Variants in TDRD12 observed in about 807,000 individuals in gnomAD.
TDRD12 encodes the protein putative ATP-dependent RNA helicase TDRD12.
Under a neutral mutation model 133.5 loss-of-function variants are expected in TDRD12, and 158 were observed. The observed-to-expected ratio is 1.18, with a 90% CI of 1.04 to 1.35. The LOEUF is 1.35. Ranked by LOEUF, TDRD12 falls within the 40% of genes most tolerant of loss-of-function variation. TDRD12 has a pLI of 0.00. For synonymous variants in TDRD12, 460 were observed against 477.9 expected, an observed-to-expected ratio of 0.96 and a Z score of 0.49; for missense variants, 1,443 against 1,321.3, an observed-to-expected ratio of 1.09 and a Z score of -1.43.
intron 8 of TDRD12, among the ~76,000 whole-genome samples, chr19:32,762,427 G>GT (rs1408224406): frequency 2.0e-5 from 3 of 152,168 alleles, no homozygotes; most frequent in African/African-American, 7.2e-5. Flanking sequence ...ACCATTTGTT[G>GT]AAAAGAGAAG....
chr19:32,726,295 T>C (rs1599822364), intron 1 of TDRD12, among the ~76,000 whole-genome samples: 4 of 152,272 alleles, frequency 2.6e-5, no homozygotes, highest in Admixed American at 2.6e-4. Context: ...TTAGCCACGA[T>C]GGTCTTGATC....
chr19:32,791,463 C>A (rs959489055), intron 13 of TDRD12, among the ~76,000 whole-genome samples: 1 of 151,934 alleles, frequency 6.6e-6, no homozygotes, highest in Non-Finnish European at 1.5e-5. Flanking sequence ...ATTGATCATA[C>A]GTGTTTATCT....
intron 13 of TDRD12, among the ~76,000 whole-genome samples, chr19:32,792,067 G>A (rs1971089335): frequency 6.6e-6 from 1 of 151,984 alleles, no homozygotes; most frequent in Non-Finnish European, 1.5e-5. Flanking sequence ...CCAACATGGT[G>A]AAACCCCGTC....
intron 11 of TDRD12, among the ~76,000 whole-genome samples, chr19:32,780,203 C>T (rs921905438): frequency 4.0e-5 from 6 of 151,742 alleles, no homozygotes; most frequent in African/African-American, 1.5e-4. Context: ...CCTGCCTCAG[C>T]CTCCCGAGTA....
chr19:32,817,295 C>G (rs1478091223), intron 26 of TDRD12, among the ~76,000 whole-genome samples: 1 of 152,106 alleles, frequency 6.6e-6, no homozygotes, highest in African/African-American at 2.4e-5. Context: ...GAGTCCACCC[C>G]CCGCCCAGCC....
chr19:32,748,407 T>G (rs1182017909), intron 4 of TDRD12, 69 bp from the exon 5 acceptor site: 3 of 1,463,930 alleles, frequency 2.0e-6, no homozygotes, highest in Non-Finnish European at 2.8e-6. Flanking sequence ...GTGCATGGTT[T>G]ACAAAATGCT....
In TDRD12 at chr19:32,803,053, C is replaced by T. The variant is rs914844611; in HGVS notation, c.2463C>T (p.Tyr821=). 1.6e-5 allele frequency: 24 copies of T among 1,535,952 alleles called. No individual in the cohort carries two copies. In the East Asian group the frequency reaches 2.9e-4, roughly 19 times the overall value. The change falls in exon 21 of 28, where the codon TAC becomes TAT. Residue 821 remains tyrosine, a synonymous_variant. Transcript: ENST00000444215. ...ACGCCAAGGTCCCCGCAGAGCTGTA[C>T]GAGTTCACCGCAGGAGTTCTGGAAG...
In TDRD12 at chr19:32,764,774, G is replaced by A. The variant is rs143619724; in HGVS notation, c.865+7644G>A. 4.1e-4 allele frequency among the ~76,000 whole-genome samples: 62 copies of A among 152,212 alleles called. 1 individual carries two copies. In the East Asian group the frequency reaches 0.011, roughly 28 times the overall value. Reference sequence around the variant, plus strand: ...CAGTTTTTCCTTCATGTATTTTGAAGGTCTGTTACTTAGGTGCATAAAGGC... The same window carrying A: ...CAGTTTTTCCTTCATGTATTTTGAAAGTCTGTTACTTAGGTGCATAAAGGC... On this transcript the variant is annotated intron_variant, in intron 8 of 27. Coordinates refer to ENST00000444215, the Ensembl canonical transcript of TDRD12.
intron 6 of TDRD12, among the ~76,000 whole-genome samples, chr19:32,754,665 C>T (rs1294078690): frequency 8.4e-5 from 12 of 142,062 alleles, no homozygotes; most frequent in African/African-American, 3.1e-4. Context: ...GATAATGACT[C>T]TATCTTTTTT....
chr19:32,735,344 C>T (rs2145448523), intron 2 of TDRD12, among the ~76,000 whole-genome samples: 1 of 152,268 alleles, frequency 6.6e-6, no homozygotes, highest in African/African-American at 2.4e-5. Flanking sequence ...AGGATAGAGG[C>T]TTAGAACCAG....
chr19:32,789,833 C>A (rs78600108), intron 11 of TDRD12, among the ~76,000 whole-genome samples: 1 of 152,028 alleles, frequency 6.6e-6, no homozygotes, highest in Non-Finnish European at 1.5e-5. Flanking sequence ...GAAACCCTGT[C>A]TCTACTAAAA....
chr19:32,747,816 C>A (rs751806679), intron 4 of TDRD12, among the ~76,000 whole-genome samples: 62 of 151,956 alleles, frequency 4.1e-4, no homozygotes, highest in Non-Finnish European at 7.9e-4. Context: ...TGAGACCAGC[C>A]TGAGCAACAT....
intron 21 of TDRD12, among the ~76,000 whole-genome samples, chr19:32,805,992 A>G (rs979396620): frequency 6.6e-6 from 1 of 151,978 alleles, no homozygotes; most frequent in Admixed American, 6.6e-5. Flanking sequence ...TCAGCCTCCC[A>G]AAGTGCTGGG....
At chr19:32,746,243 G>C (rs1325340085) in intron 4 of TDRD12, among the ~76,000 whole-genome samples, 2 of 149,058 alleles carry the variant, frequency 1.3e-5, no homozygotes, top group East Asian at 2.0e-4. Flanking sequence ...TGGCTGATGT[G>C]GTTATTCTGT....
At chr19:32,750,296 C>T (rs1470188984) in intron 6 of TDRD12, among the ~76,000 whole-genome samples, 3 of 152,110 alleles carry the variant, frequency 2.0e-5, no homozygotes, top group Non-Finnish European at 2.9e-5. Context: ...CTGCCAGGTG[C>T]CAGCTGCTAG....
intron 1 of TDRD12, among the ~76,000 whole-genome samples, chr19:32,726,843 G>A (rs1475620501): frequency 2.0e-5 from 3 of 152,082 alleles, no homozygotes; most frequent in Admixed American, 1.3e-4. Flanking sequence ...TTTATCTGTT[G>A]AGGGACACTG....
At chr19:32,732,299 C>CCAG (rs1342227603) in intron 2 of TDRD12, among the ~76,000 whole-genome samples, 1 of 152,156 alleles carries the variant, frequency 6.6e-6, no homozygotes, top group Non-Finnish European at 1.5e-5. Flanking sequence ...GCCACTGTGC[C>CCAG]CAGCCAGTGT....
Position 32,826,588 on chromosome 19 carries a change from TCAGA to T in TDRD12, c.1044_1047del (p.Gln349GlyfsTer5), listed in dbSNP as rs772154114. 2.0e-5 allele frequency: 25 copies of T among 1,238,758 alleles called. No homozygotes were observed. The South Asian group carries it at 2.8e-4, about 14-fold the overall frequency. 76.7% of individuals were successfully genotyped at this position (1,238,758 alleles called of 1,614,324 possible). Reference sequence around the variant, plus strand: ...AGAAGGGAGGCATGGTGTCACCTACTCAGACAGAGGGTGAGTTGGGATGCACTCA... The same window carrying T: ...AGAAGGGAGGCATGGTGTCACCTACTCAGAGGGTGAGTTGGGATGCACTCA... On this transcript the variant is annotated frameshift_variant, in exon 9 of 10. Coordinates refer to the TDRD12 transcript ENST00000637289. LOFTEE classifies it high-confidence loss of function.
rs1162590115 is a variant in TDRD12, at chr19:32,773,529, C to G, written c.1037C>G (p.Ala346Gly). The G allele has an allele frequency of 1.9e-6, 3 of 1,551,394 alleles. No individual in the cohort carries two copies. The African/African-American group carries it at 4.1e-5, about 21-fold the overall frequency. ...TATGCTGATCCAGATGTACCAGAAG[C>G]AAGGTATGATTTGAAAATTCAAACT... Residue 346 changes from alanine to glycine, a missense_variant, in exon 10 of 28, where the codon GCA becomes GGA. Physicochemically the swap from Ala to Gly is moderately conservative, Grantham distance 60 (BLOSUM62 0). Coordinates refer to ENST00000444215, the Ensembl canonical transcript of TDRD12.
Sources: gnomAD v4.1 joint callset for allele counts (sites outside exome capture counted in the v4.1 genomes callset) on GRCh38, gnomAD v4.1.1 for gene constraint, MANE v1.5 for transcripts, NCBI Gene and HGNC (gene_info 2026-07-23, HGNC 2026-07-21) for gene names.